The following MTCL2 variants were observed in gnomAD, a reference collection of about 807,000 sequenced individuals.
MTCL2 encodes microtubule crosslinking factor 2.
the MTCL2 span, among the ~76,000 whole-genome samples, chr20:36,810,780 C>A: frequency 2.1e-5 from 3 of 140,820 alleles, no homozygotes; most frequent in South Asian, 2.3e-4. Context: ...CAGCTTTGAG[C>A]GTGATCTTGG....
At chr20:36,808,571 AACCACCTGAGCTTCATG>A in the MTCL2 span, 1 of 1,611,108 alleles carries the variant, frequency 6.2e-7, no homozygotes, top group Non-Finnish European at 8.5e-7. Context: ...GCGCTTGAGG[AACCACCTGAGCTTCATG>A]AAGAGCAGCA....
chr20:36,799,703 C>T, the MTCL2 span, among the ~76,000 whole-genome samples: 4 of 147,042 alleles, frequency 2.7e-5, no homozygotes, highest in South Asian at 2.1e-4. Flanking sequence ...AAGAAAGAAA[C>T]GAAGAAAGAA....
At chr20:36,801,564 CT>C in the MTCL2 span, among the ~76,000 whole-genome samples, 3 of 149,536 alleles carry the variant, frequency 2.0e-5, no homozygotes, top group East Asian at 2.0e-4. Context: ...AAAAAAACAA[CT>C]TTTTTTCATT....
the MTCL2 span, chr20:36,815,081 A>G: frequency 6.6e-7 from 1 of 1,508,854 alleles, no homozygotes; most frequent in South Asian, 1.3e-5. This position sits in a 1 kb window ranked among gnomAD's most constrained non-coding sequence, Gnocchi z 5.3. Flanking sequence ...AAAACAAAAC[A>G]AAGGAAAAAA....
the MTCL2 span, chr20:36,794,253 C>T: frequency 1.9e-6 from 3 of 1,550,298 alleles, no homozygotes; most frequent in Non-Finnish European, 2.6e-6. The surrounding 1 kb of genome is among the most constrained non-coding windows in gnomAD (Gnocchi z 5.4). Flanking sequence ...AAGCCGGGCT[C>T]GATAATGATC....
At chr20:36,794,707 C>G in the MTCL2 span, 2 of 1,404,680 alleles carry the variant, frequency 1.4e-6, no homozygotes, top group Non-Finnish European at 2.0e-6. The surrounding 1 kb of genome is among the most constrained non-coding windows in gnomAD (Gnocchi z 5.4). Context: ...AGACCAGGAC[C>G]GTCTTGTTCA....
chr20:36,809,547 A>G, the MTCL2 span, among the ~76,000 whole-genome samples: 2 of 151,726 alleles, frequency 1.3e-5, no homozygotes, highest in African/African-American at 4.8e-5. Flanking sequence ...CAGGGGCTGA[A>G]GACTCAGGTT....
At chr20:36,837,547 CATTATTATTATTATT>C in the MTCL2 span, among the ~76,000 whole-genome samples, 84 of 125,278 alleles carry the variant, frequency 6.7e-4, 1 homozygote, top group Middle Eastern at 4.3e-3. Flanking sequence ...ATTTTACCCA[CATTATTATTATTATT>C]ATTATTATTA....
At chr20:36,790,756 T>C in the MTCL2 span, among the ~76,000 whole-genome samples, 2 of 149,642 alleles carry the variant, frequency 1.3e-5, no homozygotes, top group Admixed American at 1.3e-4. Context: ...TTTTTTTTAA[T>C]GTAGAGATGA....
At chr20:36,845,211 A>G in the MTCL2 span, among the ~76,000 whole-genome samples, 1 of 152,178 alleles carries the variant, frequency 6.6e-6, no homozygotes, top group Non-Finnish European at 1.5e-5. Context: ...TGAGCCCCCC[A>G]AGGGATTCTG....
At chr20:36,797,028 C>T in the MTCL2 span, 71 of 1,274,736 alleles carry the variant, frequency 5.6e-5, no homozygotes, top group East Asian at 6.3e-4. Flanking sequence ...AGACCAGCCC[C>T]GACCTCAGTG....
chr20:36,807,123 G>C, the MTCL2 span, among the ~76,000 whole-genome samples: 2 of 152,202 alleles, frequency 1.3e-5, no homozygotes. Flanking sequence ...GTCAGGCACT[G>C]CAGGGCCAGG....
At chr20:36,812,822 G>A in the MTCL2 span, 7,957 of 1,612,488 alleles carry the variant, frequency 4.9e-3, 26 homozygotes, top group Non-Finnish European at 5.8e-3. Flanking sequence ...CTCCCATTCC[G>A]GCAGGTCCCT....
At chr20:36,818,627 C>T in the MTCL2 span, among the ~76,000 whole-genome samples, 1 of 151,886 alleles carries the variant, frequency 6.6e-6, no homozygotes, top group African/African-American at 2.4e-5. Context: ...TAGCAAGACT[C>T]CACCTCAAAA....
the MTCL2 span, chr20:36,815,497 C>G: frequency 1.3e-6 from 2 of 1,587,052 alleles, no homozygotes; most frequent in African/African-American, 2.7e-5. This position sits in a 1 kb window ranked among gnomAD's most constrained non-coding sequence, Gnocchi z 5.3. Flanking sequence ...ACCTCGGCCT[C>G]CCTGGCTCTG....
chr20:36,814,822 G>T, the MTCL2 span, among the ~76,000 whole-genome samples: 1 of 152,202 alleles, frequency 6.6e-6, no homozygotes, highest in Admixed American at 6.5e-5. Context: ...GGGAGTTGGA[G>T]GTTACAGTGA....
chr20:36,820,568 G>A, the MTCL2 span, among the ~76,000 whole-genome samples: 16 of 152,362 alleles, frequency 1.1e-4, no homozygotes, highest in South Asian at 4.1e-4. Context: ...ATGGCTGGGT[G>A]TGGTGGCTCA....
the MTCL2 span, among the ~76,000 whole-genome samples, chr20:36,792,282 C>T: frequency 6.6e-6 from 1 of 152,004 alleles, no homozygotes; most frequent in Non-Finnish European, 1.5e-5. Flanking sequence ...CCAAGGTGGG[C>T]GGATCACTTG....
chr20:36,852,949 C>A, the MTCL2 span, among the ~76,000 whole-genome samples: 1 of 150,906 alleles, frequency 6.6e-6, no homozygotes, highest in Non-Finnish European at 1.5e-5. Context: ...CCCAGCTACT[C>A]GGGAGGCTGA....
Sources: gnomAD v4.1 joint callset for allele counts (sites outside exome capture counted in the v4.1 genomes callset) on GRCh38, gnomAD v4.1.1 for gene constraint, Gnocchi (gnomAD v3.1) non-coding constraint, MANE v1.5 for transcripts, NCBI Gene and HGNC (gene_info 2026-07-23, HGNC 2026-07-21) for gene names.